Variants in UFD1 observed in about 807,000 individuals in gnomAD.
UFD1 encodes the protein ubiquitin recognition factor in ER associated degradation 1, also known as ubiquitin recognition factor in ER-associated degradation protein 1.
A neutral mutation model predicts 45.9 loss-of-function variants in UFD1; 13 were observed. That is an observed-to-expected ratio of 0.28 (90% CI 0.18 to 0.45). The LOEUF (loss-of-function observed/expected upper bound fraction) is 0.45, where lower values mean the gene tolerates loss of function less well. Among genes scored for constraint, UFD1 ranks in the 20% least tolerant of loss-of-function variants. UFD1 has a pLI of 1.00. For missense variants in UFD1, 218 were observed against 389.2 expected, an observed-to-expected ratio of 0.56 and a Z score of 3.70; for synonymous variants, 128 against 139.2, an observed-to-expected ratio of 0.92 and a Z score of 0.56.
At chr22:19,465,631 G>C (rs1485076101) in intron 5 of UFD1, 1 of 239,302 alleles carries the variant, frequency 4.2e-6, no homozygotes, top group Non-Finnish European at 8.3e-6. Context: ...GGGACTGACA[G>C]GAAAGGACCT....
intron 3 of UFD1, among the ~76,000 whole-genome samples, chr22:19,474,087 G>T (rs1234807720): frequency 6.6e-6 from 1 of 152,168 alleles, no homozygotes; most frequent in Non-Finnish European, 1.5e-5. Flanking sequence ...TGGGATAAGG[G>T]GTCAGAGAAA....
At chr22:19,460,705 A>C (rs1387414465) in intron 6 of UFD1, among the ~76,000 whole-genome samples, 1 of 151,746 alleles carries the variant, frequency 6.6e-6, no homozygotes, top group Non-Finnish European at 1.5e-5. Context: ...ATACGTTTCT[A>C]AACATTCACT....
At position 19,450,114 on chromosome 22, in the gene UFD1, TTC is replaced by T. The variant is rs916118783; in HGVS notation, c.*554_*555del. 1 of 152,778 alleles carries T rather than the reference TTC, an allele frequency of 6.5e-6. No homozygotes were observed. The highest frequency in any genetic ancestry group is 2.4e-5 in the African/African-American group (1 of 41,458). The allele number at this position is 152,778 out of a possible 1,614,324, so 9.5% of individuals were successfully genotyped here. A position where few individuals can be genotyped will look rare whatever the true frequency, so the allele number is the denominator to read the frequency against. ...GTGCAAACTCATTCAGATCAGGTTC[TTC>T]TGAGTGGTGTTTTTGAAAAAAATAT... is the stretch of plus-strand genomic sequence containing the variant. On this transcript the variant is annotated 3_prime_UTR_variant, in exon 12 of 12. Coordinates refer to ENST00000263202, the MANE Select transcript of UFD1 (RefSeq NM_005659.7).
intron 6 of UFD1, among the ~76,000 whole-genome samples, chr22:19,460,661 A>G (rs1449968111): frequency 6.6e-6 from 1 of 151,956 alleles, no homozygotes; most frequent in Non-Finnish European, 1.5e-5. Flanking sequence ...TTCTGTGGCC[A>G]TGTGTGTGGA....
intron 4 of UFD1, among the ~76,000 whole-genome samples, chr22:19,468,883 GAAGGTGACTTTAACAGCC>G (rs1215745443): frequency 6.6e-6 from 1 of 152,184 alleles, no homozygotes; most frequent in Admixed American, 6.5e-5. Flanking sequence ...GTGGCAGTGA[GAAGGTGACTTTAACAGCC>G]AAGGGAAAAG....
At chr22:19,476,613 C>G (rs11089276) in intron 1 of UFD1, among the ~76,000 whole-genome samples, 4,363 of 130,100 alleles carry the variant, frequency 0.034, 138 homozygotes, top group South Asian at 0.14. Context: ...ATTCCAACAT[C>G]CCCAGTGGAC....
In UFD1 at chr22:19,455,784, G is replaced by A; in HGVS notation, c.679-16C>T. ...CAGAGAAAGCCTAGACAGGAAGTAG[G>A]TGAGTCATATAATAAGCCCAAGTGT... On this transcript the variant is annotated splice_polypyrimidine_tract_variant and intron_variant, in intron 9 of 11. Coordinates refer to ENST00000263202, the MANE Select transcript of UFD1 (RefSeq NM_005659.7). The A allele has an allele frequency of 6.2e-7, 1 of 1,612,856 alleles. No individual in the cohort carries two copies. The highest frequency in any genetic ancestry group is 2.2e-5 in the East Asian group (1 of 44,868).
chr22:19,462,278 G>T (rs1163719206), intron 6 of UFD1, among the ~76,000 whole-genome samples: 1 of 152,174 alleles, frequency 6.6e-6, no homozygotes, highest in Non-Finnish European at 1.5e-5. Context: ...GGGATTACAG[G>T]TGTGAGCTAC....
intron 3 of UFD1, among the ~76,000 whole-genome samples, chr22:19,472,106 C>A (rs751800721): frequency 6.6e-6 from 1 of 152,192 alleles, no homozygotes; most frequent in Non-Finnish European, 1.5e-5. Flanking sequence ...AAAATCCCGA[C>A]CTTCAAAGGT....
intron 11 of UFD1, chr22:19,453,687 C>T (rs1175639621): frequency 2.0e-6 from 2 of 985,386 alleles, no homozygotes; most frequent in Non-Finnish European, 2.4e-6. Context: ...GCTGTTTCAA[C>T]TTGAACATTG....
In UFD1 at chr22:19,467,965, G is replaced by C; in HGVS notation, c.330C>G (p.Val110=). The C allele has an allele frequency of 6.2e-7, 1 of 1,614,156 alleles. No homozygotes were observed. Among genetic ancestry groups the C allele is most frequent in the Non-Finnish European group, 8.5e-7 (1 of 1,180,036 alleles). ...CTTGAAGGTTGACGCTCTCCACCTG[G>C]ACCAGGCCGCCTTCTTCCAAGAGTA... ...QNLLLEEGGL[V]QVESVNLQVA... The change falls in exon 5 of 12, where the codon GTC becomes GTG. Residue 110 remains valine, a synonymous_variant. Transcript: ENST00000263202.
At chr22:19,462,114 T>C (rs1300917777) in intron 6 of UFD1, among the ~76,000 whole-genome samples, 1 of 152,028 alleles carries the variant, frequency 6.6e-6, no homozygotes, top group Non-Finnish European at 1.5e-5. Flanking sequence ...ATCCTCCCAC[T>C]TCAGCCTCCC....
At chr22:19,468,091 T>C in intron 4 of UFD1, 88 bp from the exon 5 acceptor site, 1 of 1,530,304 alleles carries the variant, frequency 6.5e-7, no homozygotes, top group Non-Finnish European at 8.8e-7. Context: ...AGGCCCGTCT[T>C]ACTTGGGTCC....
intron 6 of UFD1, 61 bp from the exon 7 acceptor site, chr22:19,458,200 T>C (rs2089738152): frequency 1.9e-6 from 3 of 1,580,916 alleles, no homozygotes; most frequent in South Asian, 1.1e-5. Flanking sequence ...GCTGTCGCTG[T>C]CCATGTTACT....
At chr22:19,462,998 C>G (rs2089778120) in intron 6 of UFD1, among the ~76,000 whole-genome samples, 1 of 152,198 alleles carries the variant, frequency 6.6e-6, no homozygotes, top group Admixed American at 6.5e-5. Flanking sequence ...ATTCAAAGAC[C>G]TGCTACTTGC....
At chr22:19,471,429 A>T (rs1206945156) in intron 4 of UFD1, 1 of 728,280 alleles carries the variant, frequency 1.4e-6, no homozygotes. Flanking sequence ...ATCACAGATG[A>T]ACAGTTCAGC....
intron 7 of UFD1, among the ~76,000 whole-genome samples, chr22:19,457,841 G>A (rs983897533): frequency 4.6e-5 from 7 of 152,002 alleles, no homozygotes; most frequent in East Asian, 1.9e-4. Flanking sequence ...ACTCCTCAAC[G>A]GGTCAGAGCT....
intron 6 of UFD1, among the ~76,000 whole-genome samples, chr22:19,459,144 A>G (rs1476806234): frequency 6.6e-6 from 1 of 152,232 alleles, no homozygotes; most frequent in East Asian, 1.9e-4. Flanking sequence ...TTCTAGGTAG[A>G]ACCATGGTCA....
chr22:19,450,692 C>A lies in UFD1; in HGVS notation c.902G>T (p.Arg301Leu). 6.2e-7 allele frequency: 1 copy of A among 1,614,186 alleles called. No individual in the cohort carries two copies. The highest frequency in any genetic ancestry group is 8.5e-7 in the Non-Finnish European group (1 of 1,180,014). The change falls in exon 12 of 12, where the codon CGT becomes CTT. Residue 301 changes from arginine to leucine, a missense_variant. Around this residue, in one of 2 missense-constraint regions of UFD1, gnomAD observed 69 missense variants for 81.7 expected, o/e 0.84. Transcript: ENST00000263202. The stretch of plus-strand genomic sequence containing the variant: ...CACTTAGGGCTTTCTTCCCTTTTTA[C>A]GCAATGACTGTCCTTCTCCAGAGAA... ...VAFSGEGQSL[R>L]KKGRKP
Sources: allele counts gnomAD v4.1 joint callset (sites outside exome capture counted in the v4.1 genomes callset), GRCh38; gene constraint gnomAD v4.1.1; regional missense constraint gnomAD v4.1.1; transcripts MANE v1.5; gene names NCBI Gene and HGNC (gene_info 2026-07-23, HGNC 2026-07-21).